Variants in GRIP1 observed in about 807,000 individuals in gnomAD.
GRIP1 encodes glutamate receptor interacting protein 1.
In GRIP1, 45 loss-of-function variants were observed where a neutral mutation model predicts 129.9. The ratio of observed to expected loss-of-function variants is 0.35; its 90% CI spans 0.27 to 0.44. The LOEUF (loss-of-function observed/expected upper bound fraction) is 0.44. Ranked by LOEUF, GRIP1 falls within the 20% of genes least tolerant of loss-of-function variation. The pLI, the probability that GRIP1 is intolerant of heterozygous loss-of-function variation, is 1.00. For synonymous variants in GRIP1, 530 were observed against 520.8 expected (o/e 1.02, Z -0.24); for missense variants, 1,196 against 1,396.8 (o/e 0.86, Z 2.29).
At chr12:66,685,884 G>C (rs970801980) in intron 1 of GRIP1, among the ~76,000 whole-genome samples, 6 of 151,964 alleles carry the variant, frequency 3.9e-5, no homozygotes, top group Admixed American at 3.3e-4. Flanking sequence ...TAAAACTGAG[G>C]GCAGGATTTT....
chr12:66,807,060 T>C (rs1037354319), upstream of GRIP1, among the ~76,000 whole-genome samples: 1 of 151,968 alleles, frequency 6.6e-6, no homozygotes, highest in Non-Finnish European at 1.5e-5. Context: ...TAACAGATGA[T>C]GTGAAGGAGG....
intron 1 of GRIP1, among the ~76,000 whole-genome samples, chr12:67,030,211 A>AAAT (rs67187831): frequency 0.26 from 37,496 of 145,412 alleles, 5,297 homozygotes; most frequent in Non-Finnish European, 0.31. Context: ...ACTCTGTCTC[A>AAAT]AATAATAATA....
At chr12:66,453,004 AT>A (rs1484537071) in intron 11 of GRIP1, among the ~76,000 whole-genome samples, 2 of 152,208 alleles carry the variant, frequency 1.3e-5, no homozygotes, top group African/African-American at 4.8e-5. Context: ...ACATTCTGGT[AT>A]GTTTATTGTG....
intron 1 of GRIP1, among the ~76,000 whole-genome samples, chr12:66,887,742 C>A (rs2040589367): frequency 6.6e-6 from 1 of 152,090 alleles, no homozygotes; most frequent in Non-Finnish European, 1.5e-5. Context: ...TCTTTAAAAA[C>A]TTTGAAGTTC....
intron 23 of GRIP1, among the ~76,000 whole-genome samples, chr12:66,359,679 G>C (rs944069012): frequency 6.6e-6 from 1 of 152,160 alleles, no homozygotes; most frequent in Non-Finnish European, 1.5e-5. Flanking sequence ...CAAGGTTAAA[G>C]GATACTGAAT....
chr12:66,512,218 G>C (rs977490197), intron 7 of GRIP1, among the ~76,000 whole-genome samples: 5 of 152,094 alleles, frequency 3.3e-5, no homozygotes, highest in African/African-American at 1.2e-4. Context: ...CAGAAAATTG[G>C]TATTGAGAGA....
chr12:66,573,587 C>T (rs774553686), intron 2 of GRIP1, among the ~76,000 whole-genome samples: 36 of 152,048 alleles, frequency 2.4e-4, no homozygotes, highest in Non-Finnish European at 3.7e-4. Context: ...GTGGCAGGGC[C>T]GGCATTCAAG....
At chr12:66,804,892 G>T (rs1225740225), upstream of GRIP1, among the ~76,000 whole-genome samples, 1 of 152,208 alleles carries the variant, frequency 6.6e-6, no homozygotes. Flanking sequence ...GGAGTGTGCA[G>T]TATGTGTTAA....
At chr12:66,594,461 G>T (rs950941406) in intron 2 of GRIP1, among the ~76,000 whole-genome samples, 1 of 150,798 alleles carries the variant, frequency 6.6e-6, no homozygotes, top group Non-Finnish European at 1.5e-5. Context: ...AACATTATGA[G>T]ATTTTTTTGT....
At chr12:67,018,173 T>C (rs2042815495) in intron 1 of GRIP1, among the ~76,000 whole-genome samples, 2 of 152,104 alleles carry the variant, frequency 1.3e-5, no homozygotes, top group Admixed American at 6.6e-5. Flanking sequence ...TGTGTGGTGG[T>C]AGAAGACCCC....
intron 8 of GRIP1, among the ~76,000 whole-genome samples, chr12:66,464,324 C>T (rs1316338724): frequency 6.6e-6 from 1 of 151,984 alleles, no homozygotes; most frequent in Non-Finnish European, 1.5e-5. Context: ...TCCCCTTTTA[C>T]CTTACGAGTA....
intron 1 of GRIP1, among the ~76,000 whole-genome samples, chr12:66,737,583 A>G (rs1188053081): frequency 6.6e-6 from 1 of 152,044 alleles, no homozygotes; most frequent in East Asian, 1.9e-4. Context: ...TCAGAAAGTC[A>G]TCTCATTACT....
intron 1 of GRIP1, among the ~76,000 whole-genome samples, chr12:66,655,632 CAG>C (rs1283816805): frequency 8.3e-6 from 1 of 120,250 alleles, no homozygotes; most frequent in African/African-American, 3.2e-5. Flanking sequence ...TTTTTTGAGA[CAG>C]AGTCTCGCTC....
In GRIP1 at chr12:66,479,818, C is replaced by A. The variant is rs191660465; in HGVS notation, c.725-14396G>T. The stretch of plus-strand genomic sequence containing the variant: ...ACATAAACAGAACCAATGACAAAAA[C>A]CACATGATTATCTCAATAGATGTAG... On this transcript the variant is annotated intron_variant, in intron 7 of 24. Coordinates refer to ENST00000359742, the MANE Select transcript of GRIP1 (RefSeq NM_001366722.1). Among the ~76,000 whole-genome samples, 156 of 151,670 alleles carry A rather than the reference C, an allele frequency of 1.0e-3. 2 individuals carry two copies. The highest frequency in any genetic ancestry group is 3.4e-3 in the African/African-American group (142 of 41,352).
intron 1 of GRIP1, among the ~76,000 whole-genome samples, chr12:66,904,567 A>AG (rs35597151): frequency 0.26 from 39,453 of 152,006 alleles, 5,518 homozygotes; most frequent in East Asian, 0.45. Context: ...TGCTTATGAA[A>AG]CCCCATTCCT....
chr12:66,541,473 G>A (rs1239349462), intron 3 of GRIP1, among the ~76,000 whole-genome samples: 1 of 152,224 alleles, frequency 6.6e-6, no homozygotes, highest in South Asian at 2.1e-4. Context: ...ACATTTAGAT[G>A]ATTGGAGTGT....
intron 1 of GRIP1, among the ~76,000 whole-genome samples, chr12:66,740,954 C>T (rs1442851170): frequency 6.6e-6 from 1 of 152,010 alleles, no homozygotes; most frequent in Non-Finnish European, 1.5e-5. Flanking sequence ...CATATGCTTT[C>T]AATGTATGCA....
Position 67,015,829 on chromosome 12 carries a change from GAAATCAGA to G in GRIP1, c.58+53213_58+53220del, listed in dbSNP as rs537695824. On this transcript the variant is annotated intron_variant, in intron 1 of 1. Transcript: ENST00000643019. ...CAGCTGAAAACTGAGCAGTTGGCAT[GAAATCAGA>G]AATATTATCCCCACATGAGAGACAA... Among the ~76,000 whole-genome samples, 14 of 152,272 alleles carry G rather than the reference GAAATCAGA, an allele frequency of 9.2e-5. No individual in the cohort carries two copies. In the South Asian group the frequency reaches 2.3e-3, roughly 25 times the overall value.
At chr12:67,021,909 T>C (rs2042872682) in intron 1 of GRIP1, among the ~76,000 whole-genome samples, 1 of 152,194 alleles carries the variant, frequency 6.6e-6, no homozygotes, top group Non-Finnish European at 1.5e-5. Flanking sequence ...GCTGTATTTA[T>C]TTTTCTGGTC....
Sources: gnomAD v4.1 joint callset for allele counts (sites outside exome capture counted in the v4.1 genomes callset) on GRCh38, gnomAD v4.1.1 for gene constraint, MANE v1.5 for transcripts, NCBI Gene and HGNC (gene_info 2026-07-23, HGNC 2026-07-21) for gene names.